Variants in MINDY3 observed in about 807,000 individuals in gnomAD.
MINDY3 encodes the protein MINDY lysine 48 deubiquitinase 3.
Under a neutral mutation model 69.2 loss-of-function variants are expected in MINDY3, and 38 were observed. The observed-to-expected ratio is 0.55, with a 90% CI of 0.42 to 0.72. MINDY3 has a LOEUF of 0.72. Ranked by LOEUF, MINDY3 falls within the 30% of genes least tolerant of loss-of-function variation. The pLI is 0.00. For missense variants in MINDY3, 522 were observed against 519.0 expected, an observed-to-expected ratio of 1.01 and a Z score of -0.06; for synonymous variants, 192 against 180.1, an observed-to-expected ratio of 1.07 and a Z score of -0.53.
intron 8 of MINDY3, among the ~76,000 whole-genome samples, chr10:15,822,427 G>T (rs926209166): frequency 5.3e-5 from 8 of 152,218 alleles, no homozygotes; most frequent in African/African-American, 1.9e-4. Flanking sequence ...ATCTTGAAGC[G>T]TATTACAGTT....
At chr10:15,837,646 G>A (rs952643638) in intron 5 of MINDY3, 3 of 1,185,360 alleles carry the variant, frequency 2.5e-6, no homozygotes, top group Non-Finnish European at 2.1e-6. Flanking sequence ...TGTAAGAGGG[G>A]GTAAACACAA....
chr10:15,855,928 TAAAAC>T (rs1443029441), intron 1 of MINDY3, among the ~76,000 whole-genome samples: 2 of 152,106 alleles, frequency 1.3e-5, no homozygotes, highest in African/African-American at 4.8e-5. Flanking sequence ...ATTTGAATAA[TAAAAC>T]AAATTATATA....
chr10:15,820,778 A>G (rs1457661525), intron 9 of MINDY3, among the ~76,000 whole-genome samples: 1 of 152,164 alleles, frequency 6.6e-6, no homozygotes, highest in Non-Finnish European at 1.5e-5. Context: ...AATTATCACC[A>G]TCTGAACCCC....
chr10:15,783,782 G>A (rs1836737400), intron 13 of MINDY3, among the ~76,000 whole-genome samples: 2 of 152,084 alleles, frequency 1.3e-5, no homozygotes, highest in Admixed American at 1.3e-4. Flanking sequence ...TTAATTACAG[G>A]AGTCATTGCA....
In MINDY3 at chr10:15,785,799, C is replaced by T. The variant is rs147201728; in HGVS notation, c.1116+762G>A. 1.6e-3 allele frequency among the ~76,000 whole-genome samples: 246 copies of T among 152,174 alleles called. 1 individual carries two copies. Among genetic ancestry groups the T allele is most frequent in the African/African-American group, 5.6e-3 (232 of 41,522 alleles). On this transcript the variant is annotated intron_variant, in intron 13 of 14. Coordinates refer to ENST00000277632, the MANE Select transcript of MINDY3 (RefSeq NM_024948.4). ...TTATATTTTGAAATTTTCCCTCTTGCTTTTAAATTTTTTCTATTTGTCAAT... is the reference window on the plus strand; with the variant it reads ...TTATATTTTGAAATTTTCCCTCTTGTTTTTAAATTTTTTCTATTTGTCAAT...
chr10:15,792,529 G>A (rs995547110), intron 11 of MINDY3, among the ~76,000 whole-genome samples: 2 of 152,026 alleles, frequency 1.3e-5, no homozygotes, highest in African/African-American at 4.8e-5. Flanking sequence ...GCACAGGGAG[G>A]AGCATTTATT....
chr10:15,838,624 T>TA (rs1225745373), intron 4 of MINDY3, among the ~76,000 whole-genome samples: 3 of 151,822 alleles, frequency 2.0e-5, no homozygotes, highest in Non-Finnish European at 4.4e-5. Flanking sequence ...TCAGATTATA[T>TA]AAATCCAAGT....
At chr10:15,838,780 TG>T (rs1833262916) in intron 4 of MINDY3, among the ~76,000 whole-genome samples, 1 of 151,782 alleles carries the variant, frequency 6.6e-6, no homozygotes, top group African/African-American at 2.4e-5. Flanking sequence ...CTCATTTATT[TG>T]TATAACTGTT....
At chr10:15,817,470 G>C (rs1488871808) in intron 9 of MINDY3, 2 of 152,266 alleles carry the variant, frequency 1.3e-5, no homozygotes, top group Non-Finnish European at 2.9e-5. Context: ...AGTATGAACA[G>C]TCTCTTTAAA....
At chr10:15,836,645 T>C (rs1263648961) in intron 6 of MINDY3, among the ~76,000 whole-genome samples, 2 of 151,570 alleles carry the variant, frequency 1.3e-5, no homozygotes, top group African/African-American at 4.8e-5. Flanking sequence ...ATTGGAACTA[T>C]TAAATAGCTA....
chr10:15,802,067 A>G (rs1268459963), intron 10 of MINDY3, among the ~76,000 whole-genome samples: 1 of 151,632 alleles, frequency 6.6e-6, no homozygotes, highest in African/African-American at 2.4e-5. Flanking sequence ...TATAATACAT[A>G]TAAAATACAA....
chr10:15,794,153 A>C (rs578021615), intron 11 of MINDY3, among the ~76,000 whole-genome samples: 10 of 152,194 alleles, frequency 6.6e-5, no homozygotes, highest in African/African-American at 2.4e-4. Flanking sequence ...TTATTCTAAA[A>C]GCATTCTGAG....
intron 10 of MINDY3, among the ~76,000 whole-genome samples, chr10:15,807,974 A>C (rs891705431): frequency 6.6e-6 from 1 of 152,200 alleles, no homozygotes; most frequent in Non-Finnish European, 1.5e-5. Context: ...TTATTGTGGT[A>C]CAAGTCATTG....
At position 15,837,763 on chromosome 10, in the gene MINDY3, T is replaced by C. The variant is rs1360260432; in HGVS notation, c.462-445A>G. On this transcript the variant is annotated intron_variant, in intron 5 of 14. Coordinates refer to ENST00000277632, the MANE Select transcript of MINDY3 (RefSeq NM_024948.4). ...TTTAAAAGAAATTAATGTTACATTT[T>C]AAACCAAATGCCACCCATAATTCTA... The C allele has an allele frequency of 8.7e-6, 9 of 1,036,420 alleles. No homozygotes were observed. In the Middle Eastern group the frequency reaches 1.4e-3, roughly 163 times the overall value. 64.2% of individuals were successfully genotyped at this position (1,036,420 alleles called of 1,614,324 possible).
intron 5 of MINDY3, 30 bp downstream of exon 5, chr10:15,838,194 GAGTA>G (rs771260990): frequency 8.2e-6 from 13 of 1,586,732 alleles, no homozygotes; most frequent in South Asian, 4.6e-5. Flanking sequence ...TGTGTCCACA[GAGTA>G]AGTATTTTAA....
chr10:15,845,295 A>T (rs11253660), intron 2 of MINDY3, among the ~76,000 whole-genome samples: 2 of 151,866 alleles, frequency 1.3e-5, no homozygotes, highest in East Asian at 3.8e-4. Context: ...GTAAATTGTG[A>T]CAGGTAATGA....
At chr10:15,847,728 A>G (rs1833951303) in intron 2 of MINDY3, 136 bp downstream of exon 2, 2 of 538,642 alleles carry the variant, frequency 3.7e-6, no homozygotes, top group Non-Finnish European at 6.7e-6. Context: ...TATTTATTGT[A>G]ATTTACATGA....
chr10:15,833,564 T>C, intron 8 of MINDY3, 66 bp downstream of exon 8: 2 of 1,025,156 alleles, frequency 2.0e-6, no homozygotes, highest in South Asian at 1.4e-5. Flanking sequence ...AGACGAATAA[T>C]AATCAGCTGT....
intron 10 of MINDY3, among the ~76,000 whole-genome samples, chr10:15,815,968 A>G (rs1318196182): frequency 6.6e-6 from 1 of 152,188 alleles, no homozygotes; most frequent in Non-Finnish European, 1.5e-5. Context: ...ATTTTGAAAT[A>G]GAAATATTCA....
Sources: gnomAD v4.1 joint callset for allele counts (sites outside exome capture counted in the v4.1 genomes callset) on GRCh38, gnomAD v4.1.1 for gene constraint, MANE v1.5 for transcripts, NCBI Gene and HGNC (gene_info 2026-07-23, HGNC 2026-07-21) for gene names.